The following TRPC4 variants were observed in gnomAD, a reference collection of about 807,000 sequenced individuals.
TRPC4 encodes the protein transient receptor potential cation channel subfamily C member 4.
Under a neutral mutation model 99.4 loss-of-function variants are expected in TRPC4, and 49 were observed. The observed-to-expected ratio is 0.49, with a 90% CI of 0.39 to 0.63. The LOEUF is 0.63. Ranked by LOEUF, TRPC4 falls within the 20% of genes least tolerant of loss-of-function variation. TRPC4 has a pLI of 0.00. For synonymous variants in TRPC4, 454 were observed against 425.9 expected (o/e 1.07, Z -0.81); for missense variants, 898 against 1,152.9 (o/e 0.78, Z 3.20).
chr13:37,709,682 G>A (rs182464370), intron 3 of TRPC4, among the ~76,000 whole-genome samples: 10 of 152,016 alleles, frequency 6.6e-5, no homozygotes, highest in Admixed American at 6.6e-4. Context: ...ACCCTTCACA[G>A]TGATGGGTTT....
chr13:37,815,052 C>A (rs1457214500), intron 1 of TRPC4, among the ~76,000 whole-genome samples: 1 of 151,342 alleles, frequency 6.6e-6, no homozygotes, highest in Non-Finnish European at 1.5e-5. Flanking sequence ...ATTTTTTTTA[C>A]AAAGGTGTCA....
intron 8 of TRPC4, among the ~76,000 whole-genome samples, chr13:37,642,349 C>G (rs540881449): frequency 4.6e-5 from 7 of 152,238 alleles, no homozygotes; most frequent in Admixed American, 3.9e-4. Flanking sequence ...AAAGAGAAGG[C>G]TGGCTAGGGG....
Position 37,633,983 on chromosome 13 carries a change from A to G in TRPC4, c.*2920T>C, listed in dbSNP as rs1016509356. Reference sequence around the variant, plus strand: ...TTATAAATGGGACTTCCAAAATACAATTGTGATAAACAAAGTGTTTTAAAC... The same window carrying G: ...TTATAAATGGGACTTCCAAAATACAGTTGTGATAAACAAAGTGTTTTAAAC... On this transcript the variant is annotated 3_prime_UTR_variant, in exon 11 of 11. Coordinates refer to ENST00000379705, the MANE Select transcript of TRPC4 (RefSeq NM_016179.4). Among the ~76,000 whole-genome samples the G allele has an allele frequency of 3.3e-5, 5 of 152,118 alleles. No individual in the cohort carries two copies. The highest frequency in any genetic ancestry group is 7.4e-5 in the Non-Finnish European group (5 of 67,982).
At chr13:37,672,533 C>G (rs1952886461) in intron 5 of TRPC4, among the ~76,000 whole-genome samples, 1 of 152,162 alleles carries the variant, frequency 6.6e-6, no homozygotes, top group Admixed American at 6.6e-5. Flanking sequence ...CCTTATGATT[C>G]CTATCCACTT....
chr13:37,728,600 A>G (rs1012899953), intron 3 of TRPC4, among the ~76,000 whole-genome samples: 2 of 152,098 alleles, frequency 1.3e-5, no homozygotes, highest in Non-Finnish European at 2.9e-5. Flanking sequence ...TAAGAGGTCA[A>G]TACTACCCAA....
intron 3 of TRPC4, among the ~76,000 whole-genome samples, chr13:37,694,912 G>A (rs985669119): frequency 2.0e-5 from 3 of 152,060 alleles, no homozygotes; most frequent in African/African-American, 4.8e-5. Context: ...ACATATTCTC[G>A]TGGTAATTTC....
intron 1 of TRPC4, among the ~76,000 whole-genome samples, chr13:37,828,386 G>A (rs1167583179): frequency 6.6e-6 from 1 of 152,150 alleles, no homozygotes; most frequent in Non-Finnish European, 1.5e-5. Flanking sequence ...GGTGTTGTTT[G>A]GAATGATAAT....
At chr13:37,812,164 C>CTG (rs1332743627) in intron 1 of TRPC4, among the ~76,000 whole-genome samples, 3 of 51,378 alleles carry the variant, frequency 5.8e-5, no homozygotes, top group African/African-American at 2.6e-4. Context: ...AGGCAACAGA[C>CTG]TGAGACTCTA....
chr13:37,815,094 T>G (rs1421729652), intron 1 of TRPC4, among the ~76,000 whole-genome samples: 2 of 151,712 alleles, frequency 1.3e-5, no homozygotes, highest in East Asian at 3.9e-4. Flanking sequence ...GATCTTTCAA[T>G]AAACAGTGCT....
At chr13:37,763,800 G>A (rs1029171356) in intron 2 of TRPC4, among the ~76,000 whole-genome samples, 2 of 151,764 alleles carry the variant, frequency 1.3e-5, no homozygotes, top group Admixed American at 6.6e-5. Flanking sequence ...ACATATTGGA[G>A]TATGCGTGGG....
At chr13:37,660,318 G>C (rs1275476792) in intron 6 of TRPC4, among the ~76,000 whole-genome samples, 1 of 152,110 alleles carries the variant, frequency 6.6e-6, no homozygotes. Flanking sequence ...AAATGAAGCA[G>C]ACACATTAAG....
At chr13:37,827,005 C>G (rs1381545509) in intron 1 of TRPC4, among the ~76,000 whole-genome samples, 1 of 152,038 alleles carries the variant, frequency 6.6e-6, no homozygotes, top group Non-Finnish European at 1.5e-5. Context: ...CTTCCCTTCT[C>G]ACTTCATTTC....
rs891066975 is a variant in TRPC4, at chr13:37,829,774, A to AAT, written c.-28+39819_-28+39820dup. ...CATCAACAGATGAATGGTAAAATCA[A>AAT]ATATATATATATAATAGACTGTCAT... On this transcript the variant is annotated intron_variant, in intron 1 of 10. Coordinates refer to ENST00000379705, the MANE Select transcript of TRPC4 (RefSeq NM_016179.4). Among the ~76,000 whole-genome samples, 33 of 151,622 alleles carry AAT rather than the reference A, an allele frequency of 2.2e-4. No individual in the cohort carries two copies. In the East Asian group the frequency reaches 2.3e-3, roughly 11 times the overall value.
chr13:37,801,664 T>C (rs1957405325), intron 1 of TRPC4, among the ~76,000 whole-genome samples: 1 of 152,120 alleles, frequency 6.6e-6, no homozygotes, highest in Non-Finnish European at 1.5e-5. Context: ...TAAGTGGGTA[T>C]TACGAATTGT....
chr13:37,820,075 A>T (rs1325635405), intron 1 of TRPC4, among the ~76,000 whole-genome samples: 1 of 151,976 alleles, frequency 6.6e-6, no homozygotes, highest in East Asian at 1.9e-4. Flanking sequence ...AAGAGAGAAG[A>T]TCCAAATAAA....
At chr13:37,815,699 ACAGG>A (rs1463446294) in intron 1 of TRPC4, among the ~76,000 whole-genome samples, 3 of 152,006 alleles carry the variant, frequency 2.0e-5, no homozygotes, top group African/African-American at 7.2e-5. Context: ...GCAGTATTAG[ACAGG>A]TCATTGAGGC....
chr13:37,661,005 T>A (rs1309159894), intron 6 of TRPC4, among the ~76,000 whole-genome samples: 1 of 152,192 alleles, frequency 6.6e-6, no homozygotes, highest in Non-Finnish European at 1.5e-5. Flanking sequence ...CTTTAGTTTT[T>A]CAATATCTTG....
intron 3 of TRPC4, among the ~76,000 whole-genome samples, chr13:37,715,232 T>G (rs1954619675): frequency 6.6e-6 from 1 of 152,148 alleles, no homozygotes; most frequent in African/African-American, 2.4e-5. Context: ...CACGTGATAT[T>G]GCCAAAGCCA....
At chr13:37,766,055 T>C (rs1264456220) in intron 2 of TRPC4, among the ~76,000 whole-genome samples, 1 of 151,456 alleles carries the variant, frequency 6.6e-6, no homozygotes, top group African/African-American at 2.4e-5. Context: ...TTTACATTAA[T>C]GAATGAAAGT....
Sources: gnomAD v4.1 joint callset for allele counts (sites outside exome capture counted in the v4.1 genomes callset) on GRCh38, gnomAD v4.1.1 for gene constraint, MANE v1.5 for transcripts, NCBI Gene and HGNC (gene_info 2026-07-23, HGNC 2026-07-21) for gene names.